Variants in ZNF12 observed in about 807,000 individuals in gnomAD.
ZNF12 encodes gonadotropin inducible transcription repressor 3.
A neutral mutation model predicts 66.6 loss-of-function variants in ZNF12; 34 were observed. That is an observed-to-expected ratio of 0.51 (90% CI 0.39 to 0.68). The LOEUF (loss-of-function observed/expected upper bound fraction) is 0.68. Ranked by LOEUF, ZNF12 falls within the 30% of genes least tolerant of loss-of-function variation. The pLI is 0.00. For synonymous variants in ZNF12, 320 were observed against 278.9 expected, an observed-to-expected ratio of 1.15 and a Z score of -1.47; for missense variants, 697 against 826.9, an observed-to-expected ratio of 0.84 and a Z score of 1.93.
Position 6,698,598 on chromosome 7 carries a change from A to G in ZNF12, c.16-787T>C, listed in dbSNP as rs1780187980. On this transcript the variant is annotated intron_variant, in intron 2 of 4. Coordinates refer to ENST00000405858, the MANE Select transcript of ZNF12 (RefSeq NM_016265.4). The surrounding 1 kb of genome is among the most constrained non-coding windows in gnomAD (Gnocchi z 4.4). ...ATTCTAGTTTTTATTTTTACTGCCA[A>G]GTGACCAAGCCTACAGCAGTTCAGA... Among the ~76,000 whole-genome samples the G allele has an allele frequency of 1.3e-5, 2 of 152,336 alleles. 1 individual carries two copies. The highest frequency in any genetic ancestry group is 4.1e-4 in the South Asian group (2 of 4,830).
Position 6,688,820 on chromosome 7 carries a change from G to A in ZNF12, c.*2028C>T, listed in dbSNP as rs188196327. ...AGCTAACACTGTAGCAGTGGTATAT[G>A]AATCACATAAATTACCTCCAACAAA... On this transcript the variant is annotated 3_prime_UTR_variant, in exon 5 of 5. Coordinates refer to ENST00000405858, the MANE Select transcript of ZNF12 (RefSeq NM_016265.4). The surrounding 1 kb of genome is among the most constrained non-coding windows in gnomAD (Gnocchi z 4.3). The A allele has an allele frequency of 2.0e-4, 31 of 152,650 alleles. No individual in the cohort carries two copies. In the East Asian group the frequency reaches 6.0e-3, roughly 29 times the overall value. The allele number at this position is 152,650 out of a possible 1,614,324, so 9.5% of individuals were successfully genotyped here.
Position 6,691,302 on chromosome 7 carries a change from T to C in ZNF12, c.1640A>G (p.Lys547Arg), listed in dbSNP as rs746424189. 2.5e-6 allele frequency: 4 copies of C among 1,614,060 alleles called. No homozygotes were observed. Among genetic ancestry groups the C allele is most frequent in the Non-Finnish European group, 2.5e-6 (3 of 1,179,918 alleles). Residue 547 changes from lysine (K) to arginine (R), a missense_variant, in exon 5 of 5, where the codon AAG (lysine) becomes AGG (arginine). This residue lies in a region of ZNF12 where 401 missense variants were observed against 519.0 expected (regional missense o/e 0.77). Transcript: ENST00000405858. ...CRHRRIHKGEKPYECYICGKF... is the reference protein window; with the variant it reads ...CRHRRIHKGERPYECYICGKF... ...TCCACATATATAGCATTCATAGGGC[T>C]TCTCTCCTTTGTGTATTCTCCGATG... is the stretch of plus-strand genomic sequence containing the variant.
chr7:6,697,989 C>T lies in ZNF12; in HGVS notation c.16-178G>A, dbSNP rs1242006700. On this transcript the variant is annotated intron_variant, in intron 2 of 4. Coordinates refer to ENST00000405858, the MANE Select transcript of ZNF12 (RefSeq NM_016265.4). This position sits in a 1 kb window ranked among gnomAD's most constrained non-coding sequence, Gnocchi z 6.1. ...ACTGTTCTGGGGTTCATTCAGTATACATCAAACAAAAAACAAAAAACAAAA... is the reference window on the plus strand; with the variant it reads ...ACTGTTCTGGGGTTCATTCAGTATATATCAAACAAAAAACAAAAAACAAAA... 4.6e-6 allele frequency: 4 copies of T among 874,872 alleles called. No homozygotes were observed. Among genetic ancestry groups the T allele is most frequent in the African/African-American group, 1.6e-5 (1 of 60,914 alleles). The allele number at this position is 874,872 out of a possible 1,614,324, so 54.2% of individuals were successfully genotyped here. A position where few individuals can be genotyped will look rare whatever the true frequency, so the allele number is the denominator to read the frequency against.
rs572712894 is a variant in ZNF12, at chr7:6,691,373, A to G, written c.1569T>C (p.Cys523=). ...GGTAGAAGGTTTTCCCACATTCACT[A>G]CATTCATAGGGTTTTACTCCTGAAT... The part of the protein sequence containing the change: ...RTHSGVKPYE[C]SECGKTFYQN... Residue 523 remains cysteine, a synonymous_variant, in exon 5 of 5, where the codon TGT becomes TGC. Coordinates refer to ENST00000405858, the MANE Select transcript of ZNF12 (RefSeq NM_016265.4). 1.9e-6 allele frequency: 3 copies of G among 1,614,020 alleles called. No individual in the cohort carries two copies. The highest frequency in any genetic ancestry group is 1.1e-5 in the South Asian group (1 of 91,080).
Position 6,706,455 on chromosome 7 carries a change from G to A in ZNF12, c.-74C>T, listed in dbSNP as rs1438122763. 1 of 478,858 alleles carries A rather than the reference G, an allele frequency of 2.1e-6. No homozygotes were observed. 29.7% of individuals were successfully genotyped at this position (478,858 alleles called of 1,614,324 possible). ...ACCCTCCTGGGGCTCCGCAGCCTCT[G>A]CCCCACCGCTCCCGACAGGCCGGGG... On this transcript the variant is annotated 5_prime_UTR_variant, in exon 1 of 5. Coordinates refer to ENST00000405858, the MANE Select transcript of ZNF12 (RefSeq NM_016265.4).
intron 2 of ZNF12, among the ~76,000 whole-genome samples, chr7:6,700,494 C>T (rs1272317939): frequency 7.2e-5 from 11 of 152,038 alleles, no homozygotes; most frequent in Non-Finnish European, 1.3e-4. Context: ...ATATTTCATT[C>T]TTTTTAGAAT....
At chr7:6,695,703 T>C (rs1476936541) in intron 4 of ZNF12, among the ~76,000 whole-genome samples, 1 of 152,246 alleles carries the variant, frequency 6.6e-6, no homozygotes, top group African/African-American at 2.4e-5. Flanking sequence ...AAGCAAAATA[T>C]AGACACTATC....
chr7:6,701,687 A>G (rs1304760398), intron 2 of ZNF12, among the ~76,000 whole-genome samples: 1 of 152,038 alleles, frequency 6.6e-6, no homozygotes, highest in Non-Finnish European at 1.5e-5. Flanking sequence ...TGAGAAAAGA[A>G]GCAAATAGGA....
chr7:6,691,479 G>C lies in ZNF12; in HGVS notation c.1463C>G (p.Thr488Arg). ...ATTACATTCGTAAGGTTTCTCTCCT[G>C]TGTGCACTCTCTGATGTCTCATGAG... ...SALMRHQRVH[T>R]GEKPYECNEC... The change falls in exon 5 of 5, where the codon ACA becomes AGA. Residue 488 changes from threonine (T) to arginine (R), a missense_variant. By Grantham distance (71) the Thr-to-Arg change is moderately conservative (BLOSUM62 -1). Coordinates refer to ENST00000405858, the MANE Select transcript of ZNF12 (RefSeq NM_016265.4). 6.2e-7 allele frequency: 1 copy of C among 1,614,050 alleles called. No homozygotes were observed. The highest frequency in any genetic ancestry group is 8.5e-7 in the Non-Finnish European group (1 of 1,179,988).
Position 6,691,555 on chromosome 7 carries a change from T to G in ZNF12, c.1387A>C (p.Lys463Gln). The G allele has an allele frequency of 3.7e-6, 6 of 1,614,202 alleles. No individual in the cohort carries two copies. Among genetic ancestry groups the G allele is most frequent in the Non-Finnish European group, 5.1e-6 (6 of 1,180,006 alleles). ...CCACATTCATTACATTCATAGGGTT[T>G]CTCTCCTGAATGAGTTCTATAATGT... ...TVHYRTHSGE[K>Q]PYECNECGKT... is the part of the protein sequence containing the mutation. Residue 463 changes from lysine (K) to glutamine (Q), a missense_variant, in exon 5 of 5, where the codon AAA (lysine) becomes CAA (glutamine). Lys to Gln is a moderately conservative substitution (Grantham distance 53). Around this residue, in one of 3 missense-constraint regions of ZNF12, gnomAD observed 401 missense variants for 519.0 expected, o/e 0.77. Coordinates refer to ENST00000405858, the MANE Select transcript of ZNF12 (RefSeq NM_016265.4).
chr7:6,706,651 G>C lies in ZNF12; in HGVS notation c.-270C>G. 3 of 374,030 alleles carry C rather than the reference G, an allele frequency of 8.0e-6. No homozygotes were observed. The highest frequency in any genetic ancestry group is 5.6e-5 in the South Asian group (3 of 53,290). 23.2% of individuals were successfully genotyped at this position (374,030 alleles called of 1,614,324 possible). ...CTGGGGCTCACCGTCCTGCGGAGCC[G>C]GGGCCGGGCCGTCGAGGACGCACAC... On this transcript the variant is annotated 5_prime_UTR_variant, in exon 1 of 5. Transcript: ENST00000405858.
rs778201494 is a variant in ZNF12, at chr7:6,705,262, T to C, written c.-50-39A>G. On this transcript the variant is annotated intron_variant, in intron 1 of 4. Coordinates refer to ENST00000405858, the MANE Select transcript of ZNF12 (RefSeq NM_016265.4). The surrounding 1 kb of genome is among the most constrained non-coding windows in gnomAD (Gnocchi z 4.0). ...ACCCAAGCCATGGCGTTATGAGCGG[T>C]CTGGCCTGCCAAGGCGGTCATCTCC... 2 of 1,546,872 alleles carry C rather than the reference T, an allele frequency of 1.3e-6. No individual in the cohort carries two copies. Among genetic ancestry groups the C allele is most frequent in the Non-Finnish European group, 1.8e-6 (2 of 1,126,106 alleles).
At chr7:6,702,238 C>T (rs183777737) in intron 2 of ZNF12, among the ~76,000 whole-genome samples, 38 of 151,844 alleles carry the variant, frequency 2.5e-4, no homozygotes, top group Admixed American at 1.5e-3. Context: ...TAGCACCTTC[C>T]CAGTTCCTCC....
Position 6,697,164 on chromosome 7 carries a change from G to C in ZNF12, c.238+175C>G, listed in dbSNP as rs1209722792. ...TCTTGGGAGTGGCAAGCACAGAAAA[G>C]CTCCATAAACATAAGTTCTTACGGG... On this transcript the variant is annotated intron_variant, in intron 4 of 4. Coordinates refer to ENST00000405858, the MANE Select transcript of ZNF12 (RefSeq NM_016265.4). The surrounding 1 kb of genome is among the most constrained non-coding windows in gnomAD (Gnocchi z 6.1). Among the ~76,000 whole-genome samples, 1 of 152,092 alleles carries C rather than the reference G, an allele frequency of 6.6e-6. No individual in the cohort carries two copies. The highest frequency in any genetic ancestry group is 6.5e-5 in the Admixed American group (1 of 15,268).
In ZNF12 at chr7:6,691,264, G is replaced by C; in HGVS notation, c.1678C>G (p.Gln560Glu). The C allele has an allele frequency of 6.2e-7, 1 of 1,614,090 alleles. No homozygotes were observed. The highest frequency in any genetic ancestry group is 8.5e-7 in the Non-Finnish European group (1 of 1,179,984). Residue 560 changes from glutamine (Q) to glutamate (E), a missense_variant, in exon 5 of 5, where the codon CAG becomes GAG. Gln to Glu is a conservative substitution (Grantham distance 29). Around this residue, in one of 3 missense-constraint regions of ZNF12, gnomAD observed 401 missense variants for 519.0 expected, o/e 0.77. Coordinates refer to ENST00000405858, the MANE Select transcript of ZNF12 (RefSeq NM_016265.4). ...ECYICGKFFS[Q>E]MSYLTIHHRI... is the part of the protein sequence containing the mutation. ...TGATGTATAGTGAGGTATGACATCT[G>C]AGAGAAGAATTTTCCACATATATAG...
rs774064474 is a variant in ZNF12, at chr7:6,691,334, A to G, written c.1608T>C (p.Leu536=). Residue 536 remains leucine (L), a synonymous_variant, in exon 5 of 5, where the codon CTT becomes CTC. Transcript: ENST00000405858. ...CTTTGTGTATTCTCCGATGTCTACAAAGGGCTGAGTTCTGGTAGAAGGTTT... is the reference window on the plus strand; with the variant it reads ...CTTTGTGTATTCTCCGATGTCTACAGAGGGCTGAGTTCTGGTAGAAGGTTT... ...CGKTFYQNSA[L]CRHRRIHKGE... 35 of 1,613,688 alleles carry G rather than the reference A, an allele frequency of 2.2e-5. 1 individual carries two copies. The South Asian group carries it at 3.7e-4, about 17-fold the overall frequency.
intron 2 of ZNF12, among the ~76,000 whole-genome samples, chr7:6,701,982 A>G (rs1292470006): frequency 6.6e-6 from 1 of 150,930 alleles, no homozygotes; most frequent in African/African-American, 2.4e-5. Context: ...TTCTCAATAG[A>G]CCAAATTCAA....
chr7:6,692,234 C>T lies in ZNF12; in HGVS notation c.708G>A (p.Met236Ile), dbSNP rs754591410. 19 of 1,613,860 alleles carry T rather than the reference C, an allele frequency of 1.2e-5. 1 individual carries two copies. The South Asian group carries it at 2.0e-4, about 17-fold the overall frequency. ...CATTCCACTTATAGGGCTTTTCTTC[C>T]ATGTGATTAACAAAAACAGTGTCCT... Reference protein sequence around the residue: ...FQKDTVFVNHMEEKPYKWNGS... With the variant: ...FQKDTVFVNHIEEKPYKWNGS... Residue 236 changes from methionine (M) to isoleucine (I), a missense_variant, in exon 5 of 5, where the codon ATG becomes ATA. Physicochemically the swap from Met to Ile is conservative, Grantham distance 10. Around this residue, in one of 3 missense-constraint regions of ZNF12, gnomAD observed 241 missense variants for 224.0 expected, o/e 1.08. Transcript: ENST00000405858. The surrounding 1 kb of genome is among the most constrained non-coding windows in gnomAD (Gnocchi z 5.1).
In ZNF12 at chr7:6,693,180, G is replaced by C. The variant is rs561912680; in HGVS notation, c.239-477C>G. ...CACATCACTTCATACCAAGTTGAGA[G>C]AGATTACAATTTAAGGCATTAGCAC... On this transcript the variant is annotated intron_variant, in intron 4 of 4. Coordinates refer to ENST00000405858, the MANE Select transcript of ZNF12 (RefSeq NM_016265.4). 2.0e-5 allele frequency among the ~76,000 whole-genome samples: 3 copies of C among 152,314 alleles called. No individual in the cohort carries two copies. In the East Asian group the frequency reaches 5.8e-4, roughly 29 times the overall value.
Sources: gnomAD v4.1 joint callset for allele counts (sites outside exome capture counted in the v4.1 genomes callset) on GRCh38, gnomAD v4.1.1 for gene constraint, gnomAD v4.1.1 regional missense constraint, Gnocchi (gnomAD v3.1) non-coding constraint, MANE v1.5 for transcripts, NCBI Gene and HGNC (gene_info 2026-07-23, HGNC 2026-07-21) for gene names.